Variants in CDH4 observed in about 807,000 individuals in gnomAD.
The protein encoded by CDH4 is cadherin 4, also known as cadherin-4.
In CDH4, 33 loss-of-function variants were observed where a neutral mutation model predicts 86.0. That is an observed-to-expected ratio of 0.38 (90% CI 0.29 to 0.51). The LOEUF is 0.51. CDH4 is among the 20% of genes least tolerant of loss of function. The pLI, the probability that CDH4 is intolerant of heterozygous loss-of-function variation, is 0.86. For synonymous variants in CDH4, 555 were observed against 549.4 expected, an observed-to-expected ratio of 1.01 and a Z score of -0.14; for missense variants, 1,114 against 1,307.4, an observed-to-expected ratio of 0.85 and a Z score of 2.28.
chr20:61,403,728 C>T (rs1204244220), intron 2 of CDH4, among the ~76,000 whole-genome samples: 5 of 152,242 alleles, frequency 3.3e-5, no homozygotes, highest in South Asian at 2.1e-4. Flanking sequence ...TCAGGAACTC[C>T]GTGTGTATTC....
chr20:61,840,057 G>A (rs1982089383), intron 4 of CDH4, among the ~76,000 whole-genome samples: 1 of 152,096 alleles, frequency 6.6e-6, no homozygotes, highest in African/African-American at 2.4e-5. Flanking sequence ...GTGCCCCAAG[G>A]GGTCTCCCAG....
Position 61,579,531 on chromosome 20 carries a change from C to T in CDH4, c.170-164032C>T, listed in dbSNP as rs184107363. Among the ~76,000 whole-genome samples the T allele has an allele frequency of 6.3e-4, 96 of 152,228 alleles. No individual in the cohort carries two copies. In the East Asian group the frequency reaches 8.5e-3, roughly 14 times the overall value. On this transcript the variant is annotated intron_variant, in intron 2 of 15. Coordinates refer to ENST00000614565, the MANE Select transcript of CDH4 (RefSeq NM_001794.5). ...CAAACTCCTGGCCTCAGATGATCCT[C>T]CTGCCTCAGCCTCCCAAAGTGCTGG...
chr20:61,827,246 T>C (rs1330229442), intron 4 of CDH4, among the ~76,000 whole-genome samples: 1 of 152,198 alleles, frequency 6.6e-6, no homozygotes, highest in Non-Finnish European at 1.5e-5. Context: ...GTTGGTGACA[T>C]TGCTACACCG....
chr20:61,622,385 A>C (rs2145776405), intron 2 of CDH4, among the ~76,000 whole-genome samples: 1 of 152,346 alleles, frequency 6.6e-6, no homozygotes, highest in African/African-American at 2.4e-5. Context: ...AAGAGGTGTC[A>C]GTCTGTCAGG....
chr20:61,364,853 G>A (rs528076887), intron 2 of CDH4, among the ~76,000 whole-genome samples: 10 of 152,288 alleles, frequency 6.6e-5, no homozygotes, highest in South Asian at 4.1e-4. Flanking sequence ...TGCGGCCCCC[G>A]ACGAGCAGTG....
At chr20:61,868,734 C>CCCCCACACTGGGCAGGTG (rs1983663560) in intron 6 of CDH4, among the ~76,000 whole-genome samples, 1 of 152,254 alleles carries the variant, frequency 6.6e-6, no homozygotes, top group African/African-American at 2.4e-5. Context: ...GGCAGGTGTC[C>CCCCCACACTGGGCAGGTG]TCCTCCCTGG....
intron 6 of CDH4, among the ~76,000 whole-genome samples, chr20:61,858,461 GTGTGTCTCTGTGTC>G (rs1259039131): frequency 1.6e-4 from 24 of 150,832 alleles, no homozygotes; most frequent in African/African-American, 3.4e-4. Flanking sequence ...CTGTATCTGT[GTGTGTCTCTGTGTC>G]TGTGTCTCTG....
At chr20:61,537,665 G>A (rs1020775651) in intron 2 of CDH4, among the ~76,000 whole-genome samples, 13 of 152,296 alleles carry the variant, frequency 8.5e-5, no homozygotes, top group African/African-American at 1.2e-4. Context: ...CCCCACTCAC[G>A]AGGCGTTGTG....
In CDH4 at chr20:61,938,550, G is replaced by C. The variant is rs577361369; in HGVS notation, c.*1607G>C. ...GGGACCCTGGGCAGGACCTGGTGTC[G>C]GGCAGGGCGGTGCCAGCACTGGGGA... is the stretch of plus-strand genomic sequence containing the variant. On this transcript the variant is annotated 3_prime_UTR_variant, in exon 16 of 16. Coordinates refer to ENST00000614565, the MANE Select transcript of CDH4 (RefSeq NM_001794.5). 1.3e-5 allele frequency: 2 copies of C among 152,420 alleles called. No homozygotes were observed. The highest frequency in any genetic ancestry group is 1.9e-4 in the East Asian group (1 of 5,188). The allele number at this position is 152,420 out of a possible 1,614,324, so 9.4% of individuals were successfully genotyped here. A position where few individuals can be genotyped will look rare whatever the true frequency, so the allele number is the denominator to read the frequency against.
intron 2 of CDH4, among the ~76,000 whole-genome samples, chr20:61,449,758 A>G (rs796858206): frequency 6.6e-6 from 1 of 152,308 alleles, no homozygotes; most frequent in African/African-American, 2.4e-5. Context: ...TATACCAAAT[A>G]CTTTTGGTTT....
At chr20:61,529,693 C>T (rs6121425) in intron 2 of CDH4, among the ~76,000 whole-genome samples, 1 of 152,112 alleles carries the variant, frequency 6.6e-6, no homozygotes, top group Admixed American at 6.5e-5. Flanking sequence ...GAGCGAGGGC[C>T]TTGAGGGAAC....
intron 2 of CDH4, among the ~76,000 whole-genome samples, chr20:61,662,429 G>A (rs948946561): frequency 1.3e-5 from 2 of 152,208 alleles, no homozygotes; most frequent in African/African-American, 4.8e-5. Context: ...AGCTCCGTGC[G>A]CGGCTTCACC....
At chr20:61,884,833 G>A (rs894355919) in intron 7 of CDH4, among the ~76,000 whole-genome samples, 2 of 152,180 alleles carry the variant, frequency 1.3e-5, no homozygotes, top group Non-Finnish European at 2.9e-5. Context: ...GCCCTGGGGT[G>A]GGGGCGGGGA....
intron 2 of CDH4, among the ~76,000 whole-genome samples, chr20:61,659,454 G>A (rs2087227644): frequency 6.6e-6 from 1 of 152,242 alleles, no homozygotes; most frequent in South Asian, 2.1e-4. Flanking sequence ...TGCTCAGTGG[G>A]GCCTGGAGGA....
intron 2 of CDH4, among the ~76,000 whole-genome samples, chr20:61,444,623 G>T (rs941200244): frequency 6.6e-6 from 1 of 151,786 alleles, no homozygotes; most frequent in Non-Finnish European, 1.5e-5. Flanking sequence ...CTCTGTGTGT[G>T]TGTATATTTG....
chr20:61,548,397 G>A (rs544113981), intron 2 of CDH4, among the ~76,000 whole-genome samples: 10 of 152,148 alleles, frequency 6.6e-5, no homozygotes, highest in Non-Finnish European at 1.5e-4. Context: ...GTCACCCTGA[G>A]AAGAGAAGGT....
intron 2 of CDH4, among the ~76,000 whole-genome samples, chr20:61,360,464 G>A (rs146809696): frequency 6.6e-6 from 1 of 152,190 alleles, no homozygotes; most frequent in African/African-American, 2.4e-5. Context: ...TGGACAGTTG[G>A]CATCTGCTGG....
intron 2 of CDH4, among the ~76,000 whole-genome samples, chr20:61,441,231 G>A (rs1394003446): frequency 6.6e-6 from 1 of 152,184 alleles, no homozygotes; most frequent in East Asian, 1.9e-4. Flanking sequence ...CATTCTCTTG[G>A]AAGAGTAACA....
intron 2 of CDH4, among the ~76,000 whole-genome samples, chr20:61,391,671 T>C (rs535115923): frequency 6.6e-6 from 1 of 152,302 alleles, no homozygotes; most frequent in East Asian, 1.9e-4. Flanking sequence ...AAGCTCTTCT[T>C]CTCTCCCGTG....
Sources: gnomAD v4.1 joint callset for allele counts (sites outside exome capture counted in the v4.1 genomes callset) on GRCh38, gnomAD v4.1.1 for gene constraint, MANE v1.5 for transcripts, NCBI Gene and HGNC (gene_info 2026-07-23, HGNC 2026-07-21) for gene names.